The following SOX5 variants were observed in gnomAD, a reference collection of about 807,000 sequenced individuals.
SOX5 encodes transcription factor SOX-5.
SOX5 carries 9 observed loss-of-function variants against 92.0 expected under a neutral mutation model. That is an observed-to-expected ratio of 0.10 (90% confidence interval 0.06 to 0.17). The LOEUF (loss-of-function observed/expected upper bound fraction) is 0.17. Among genes scored for constraint, SOX5 ranks in the 10% least tolerant of loss-of-function variants. The probability of loss-of-function intolerance (pLI) is 1.00; values close to 1 mark genes in which losing one functional copy is unlikely to be tolerated. For missense variants in SOX5, 642 were observed against 944.5 expected, an observed-to-expected ratio of 0.68 and a Z score of 4.20; for synonymous variants, 344 against 336.3, an observed-to-expected ratio of 1.02 and a Z score of -0.25.
At chr12:23,603,445 A>AATATATATATATATATATAAAATAT (rs2074793758) in intron 9 of SOX5, among the ~76,000 whole-genome samples, 1 of 124,858 alleles carries the variant, frequency 8.0e-6, no homozygotes, top group Non-Finnish European at 1.8e-5. Context: ...ATATATATAA[A>AATATATATATATATATATAAAATAT]ATATATATAT....
chr12:24,302,220 G>C (rs1268884038), intron 2 of SOX5, among the ~76,000 whole-genome samples: 1 of 152,028 alleles, frequency 6.6e-6, no homozygotes, highest in Non-Finnish European at 1.5e-5. Flanking sequence ...TCCTTTCTCT[G>C]TTTCTCTCAC....
Position 23,531,175 on chromosome 12 carries a change from T to A in SOX5, c.*3044A>T, listed in dbSNP as rs1269592467. ...GAAAACTAGGGCAAAGAAAATTTGA[T>A]GTCCAGTGAATTAACCGTCAGAACA... On this transcript the variant is annotated 3_prime_UTR_variant, in exon 15 of 15. Coordinates refer to ENST00000451604, the MANE Select transcript of SOX5 (RefSeq NM_006940.6). The A allele has an allele frequency of 2.0e-5, 3 of 152,202 alleles. No homozygotes were observed. The highest frequency in any genetic ancestry group is 4.4e-5 in the Non-Finnish European group (3 of 68,046). 9.4% of individuals were successfully genotyped at this position (152,202 alleles called of 1,614,324 possible).
chr12:24,189,611 A>G (rs1478427860), intron 4 of SOX5, among the ~76,000 whole-genome samples: 1 of 152,170 alleles, frequency 6.6e-6, no homozygotes, highest in East Asian at 1.9e-4. Flanking sequence ...AGATCTTTGT[A>G]TCTGGGGGAG....
intron 1 of SOX5, among the ~76,000 whole-genome samples, chr12:24,561,957 G>T (rs1201843341): frequency 6.6e-6 from 1 of 152,138 alleles, no homozygotes; most frequent in African/African-American, 2.4e-5. Flanking sequence ...CACCTCCACC[G>T]CCACCACTTA....
intron 6 of SOX5, among the ~76,000 whole-genome samples, chr12:23,732,284 T>C (rs956359375): frequency 1.2e-4 from 18 of 152,170 alleles, no homozygotes; most frequent in Non-Finnish European, 2.6e-4. Flanking sequence ...ACATTTTTAA[T>C]GTCCTATTTC....
At position 24,360,545 on chromosome 12, in the gene SOX5, C is replaced by G. The variant is rs1021838313; in HGVS notation, c.-174+8018G>C. On this transcript the variant is annotated intron_variant, in intron 2 of 4. Coordinates refer to the SOX5 transcript ENST00000446891. ...AGGCAAATAGATAGGAAAAGGAGAG[C>G]TAGAACTAAAAAAGCTAATCTTATT... is the stretch of plus-strand genomic sequence containing the variant. 2.0e-5 allele frequency among the ~76,000 whole-genome samples: 3 copies of G among 152,114 alleles called. No individual in the cohort carries two copies. In the South Asian group the frequency reaches 6.2e-4, roughly 32 times the overall value.
At chr12:23,841,375 C>T (rs1043483519) in intron 3 of SOX5, among the ~76,000 whole-genome samples, 4 of 152,026 alleles carry the variant, frequency 2.6e-5, no homozygotes, top group African/African-American at 9.7e-5. Flanking sequence ...AATCTGATAG[C>T]CACTTTGGAA....
intron 1 of SOX5, among the ~76,000 whole-genome samples, chr12:24,519,391 A>T (rs1950072138): frequency 6.6e-6 from 1 of 152,080 alleles, no homozygotes; most frequent in African/African-American, 2.4e-5. Context: ...GGTAAAGAGG[A>T]GATGTGTATG....
At chr12:24,520,364 G>A (rs765663115) in intron 1 of SOX5, among the ~76,000 whole-genome samples, 5 of 152,058 alleles carry the variant, frequency 3.3e-5, no homozygotes, top group Non-Finnish European at 7.4e-5. Flanking sequence ...GAGAGTGAAA[G>A]TATGGTGGTT....
intron 3 of SOX5, among the ~76,000 whole-genome samples, chr12:23,814,820 C>T (rs1265607517): frequency 2.0e-5 from 3 of 152,106 alleles, no homozygotes; most frequent in Non-Finnish European, 2.9e-5. Context: ...AAAAATGTAA[C>T]TATCCATTAA....
chr12:23,598,355 T>C (rs1952812307), intron 9 of SOX5, among the ~76,000 whole-genome samples: 1 of 147,986 alleles, frequency 6.8e-6, no homozygotes, highest in Admixed American at 6.7e-5. Flanking sequence ...CATTTCAAAC[T>C]CATGAAGTCT....
rs191590102 is a variant in SOX5, at chr12:23,619,915, A to G, written c.1018-15382T>C. Among the ~76,000 whole-genome samples, 1,075 of 152,294 alleles carry G rather than the reference A, an allele frequency of 7.1e-3. 15 individuals are homozygous for G. The highest frequency in any genetic ancestry group is 0.025 in the African/African-American group (1,025 of 41,568). On this transcript the variant is annotated intron_variant, in intron 8 of 14. Coordinates refer to ENST00000451604, the MANE Select transcript of SOX5 (RefSeq NM_006940.6). The stretch of plus-strand genomic sequence containing the variant: ...TCATGGAAAAAAATTATAAAATGCC[A>G]GTTTCATTCTAGGTCTTTAGCTCCA...
At chr12:24,031,411 G>T (rs1955496418) in intron 4 of SOX5, among the ~76,000 whole-genome samples, 1 of 151,584 alleles carries the variant, frequency 6.6e-6, no homozygotes, top group African/African-American at 2.4e-5. Flanking sequence ...AACATAAATG[G>T]ACCTGGAGGA....
rs186495088 is a variant in SOX5 at position 23,675,669 on chromosome 12, G to T, written c.811-10105C>A. 1.8e-3 allele frequency among the ~76,000 whole-genome samples: 277 copies of T among 152,150 alleles called. 1 individual carries two copies. The highest frequency in any genetic ancestry group is 6.8e-3 in the Middle Eastern group (2 of 294). The stretch of plus-strand genomic sequence containing the variant: ...TTTTAATATCATACCAAAAGCTCAG[G>T]CAGCAAAAGCAAAAATAAACAAGTG... On this transcript the variant is annotated intron_variant, in intron 6 of 14. Transcript: ENST00000451604.
At chr12:23,566,633 C>G (rs1277315005) in intron 10 of SOX5, among the ~76,000 whole-genome samples, 1 of 152,152 alleles carries the variant, frequency 6.6e-6, no homozygotes, top group Admixed American at 6.5e-5. Flanking sequence ...TTGACACTTA[C>G]TAGGTATATA....
In SOX5 at chr12:24,431,025, T is replaced by C. The variant is rs11047434; in HGVS notation, c.-250-62386A>G. ...TATTGCAAAAGAGATGGTCAAAATA[T>C]GCCCCCCTTCCCATAGATGAGCAAA... On this transcript the variant is annotated intron_variant, in intron 1 of 4. Transcript: ENST00000446891. Among the ~76,000 whole-genome samples, 457 of 152,328 alleles carry C rather than the reference T, an allele frequency of 3.0e-3. 1 individual carries two copies. Among genetic ancestry groups the C allele is most frequent in the Non-Finnish European group, 5.3e-3 (362 of 68,026 alleles).
At chr12:23,889,053 A>G (rs1440559509) in intron 2 of SOX5, among the ~76,000 whole-genome samples, 1 of 152,180 alleles carries the variant, frequency 6.6e-6, no homozygotes, top group Non-Finnish European at 1.5e-5. Flanking sequence ...CTTTATCTGA[A>G]TGTTTCTGAA....
At chr12:23,973,554 T>C (rs566411079) in intron 4 of SOX5, among the ~76,000 whole-genome samples, 2 of 152,282 alleles carry the variant, frequency 1.3e-5, no homozygotes, top group Non-Finnish European at 2.9e-5. Context: ...ATTTCCATCT[T>C]TTTAAAGGCT....
At chr12:23,570,059 T>C (rs993429424) in intron 10 of SOX5, among the ~76,000 whole-genome samples, 5 of 152,186 alleles carry the variant, frequency 3.3e-5, no homozygotes, top group South Asian at 2.1e-4. Flanking sequence ...CTGGACCATA[T>C]GGTACAGGTT....
Sources: allele counts gnomAD v4.1 joint callset (sites outside exome capture counted in the v4.1 genomes callset), GRCh38; gene constraint gnomAD v4.1.1; transcripts MANE v1.5; gene names NCBI Gene and HGNC (gene_info 2026-07-23, HGNC 2026-07-21).